The following SMS variants were observed in gnomAD, a reference collection of about 807,000 sequenced individuals.
SMS encodes spermidine aminopropyltransferase.
A neutral mutation model predicts 33.0 loss-of-function variants in SMS; 3 were observed. The ratio of observed to expected loss-of-function variants is 0.09; its 90% CI spans 0.04 to 0.23. The LOEUF is 0.23. SMS is among the 10% of genes least tolerant of loss of function. SMS has a pLI of 1.00. For synonymous variants in SMS, 103 were observed against 112.2 expected (o/e 0.92, Z 0.52); for missense variants, 117 against 288.6 (o/e 0.41, Z 4.31).
At chrX:21,948,640 T>G (rs1922401997) in intron 1 of SMS, among the ~76,000 whole-genome samples, 1 of 111,190 alleles carries the variant, frequency 9.0e-6, no homozygotes, top group Admixed American at 9.5e-5. Context: ...CTTTTGATTT[T>G]GGATTTCATA....
Position 21,940,780 on chromosome X carries a change from T to C in SMS, c.-45T>C. 9.5e-7 allele frequency: 1 copy of C among 1,052,379 alleles called. No individual in the cohort carries two copies. The highest frequency in any genetic ancestry group is 1.3e-6 in the Non-Finnish European group (1 of 796,452). The allele number at this position is 1,052,379 out of a possible 1,213,427, so 86.7% of individuals were successfully genotyped here. On this transcript the variant is annotated 5_prime_UTR_variant, in exon 1 of 11. Coordinates refer to ENST00000404933, the MANE Select transcript of SMS (RefSeq NM_004595.5). ...TGACACGCCGCGCGGCCCCCCAGTC[T>C]CCCGCGGCTGCTCCCCCAGGCATGG...
intron 1 of SMS, among the ~76,000 whole-genome samples, chrX:21,955,124 C>T: frequency 8.9e-6 from 1 of 112,152 alleles, no homozygotes; most frequent in African/African-American, 3.2e-5. Context: ...GCGTGAGCCA[C>T]TGCGCCCGGC....
chrX:21,985,150 C>A lies in SMS; in HGVS notation c.872C>A (p.Thr291Lys), dbSNP rs755701744. ...TGTTCTTTTAAACATTCAGATTCCA[C>A]ATGGGAGTTTCTCAGACTGATTCTT... ...PISTSPEEDS[T>K]WEFLRLILDL... is the part of the protein sequence containing the mutation. The change falls in exon 9 of 11, where the codon ACA becomes AAA. Residue 291 changes from threonine to lysine, a missense_variant. Transcript: ENST00000404933. The A allele has an allele frequency of 4.3e-6, 5 of 1,168,264 alleles. No individual in the cohort carries two copies. Among genetic ancestry groups the A allele is most frequent in the Non-Finnish European group, 5.8e-6 (5 of 857,891 alleles).
At chrX:21,943,602 C>G (rs1386219537) in intron 1 of SMS, among the ~76,000 whole-genome samples, 1 of 107,092 alleles carries the variant, frequency 9.3e-6, no homozygotes, top group Admixed American at 1.0e-4. Context: ...GATGGCAAGG[C>G]GAACATTCTA....
intron 4 of SMS, among the ~76,000 whole-genome samples, chrX:21,974,520 T>A (rs1308910460): frequency 8.9e-6 from 1 of 111,852 alleles, no homozygotes; most frequent in Non-Finnish European, 1.9e-5. Context: ...CCATTTGGAA[T>A]GAACAGGTTC....
chrX:21,977,272 A>G (rs765842229), intron 5 of SMS, 36 bp downstream of exon 5: 1 of 1,106,659 alleles, frequency 9.0e-7, no homozygotes, highest in East Asian at 3.0e-5. Flanking sequence ...CACGTAACAA[A>G]GTGGTGATGT....
At chrX:21,979,372 G>A (rs891282660) in intron 7 of SMS, among the ~76,000 whole-genome samples, 12 of 105,074 alleles carry the variant, frequency 1.1e-4, no homozygotes, top group African/African-American at 3.9e-4. Flanking sequence ...ACCCCCGATC[G>A]GCCCCGGTGT....
chrX:21,948,954 A>G (rs1922424601), intron 1 of SMS, among the ~76,000 whole-genome samples: 1 of 112,132 alleles, frequency 8.9e-6, no homozygotes, highest in Admixed American at 9.4e-5. Context: ...TAAACCATGC[A>G]CAAATGCTCT....
chrX:21,986,752 G>A (rs990338498), intron 9 of SMS, among the ~76,000 whole-genome samples: 3 of 112,168 alleles, frequency 2.7e-5, no homozygotes, highest in Admixed American at 9.4e-5. Flanking sequence ...GCCAAATCTG[G>A]CCTCCTGCTT....
intron 1 of SMS, among the ~76,000 whole-genome samples, chrX:21,965,793 C>A (rs1733778159): frequency 9.2e-6 from 1 of 108,470 alleles, no homozygotes; most frequent in South Asian, 3.9e-4. Flanking sequence ...TAAAAAAAAA[C>A]AAATAAATAA....
At chrX:21,962,723 A>G (rs1923443833) in intron 1 of SMS, among the ~76,000 whole-genome samples, 1 of 111,617 alleles carries the variant, frequency 9.0e-6, no homozygotes, top group Non-Finnish European at 1.9e-5. Context: ...TGGCACAATC[A>G]TGGGTCACTG....
chrX:21,943,987 C>G (rs184904455), intron 1 of SMS, among the ~76,000 whole-genome samples: 1 of 111,187 alleles, frequency 9.0e-6, no homozygotes, highest in Non-Finnish European at 1.9e-5. Context: ...TTCTTTTCCC[C>G]GTTTGTCAGT....
intron 2 of SMS, 129 bp downstream of exon 2, chrX:21,967,445 C>T (rs1923816409): frequency 1.5e-6 from 1 of 689,074 alleles, no homozygotes; most frequent in African/African-American, 2.2e-5. Flanking sequence ...GGGAATGGAA[C>T]TTGGTGCTTC....
chrX:21,979,573 T>C (rs1318450376), intron 7 of SMS, among the ~76,000 whole-genome samples: 1 of 111,620 alleles, frequency 9.0e-6, no homozygotes, highest in Non-Finnish European at 1.9e-5. Context: ...ATGGCATATA[T>C]GTGCCACATT....
intron 1 of SMS, 59 bp from the exon 2 acceptor site, chrX:21,967,137 T>C: frequency 8.5e-7 from 1 of 1,173,470 alleles, no homozygotes; most frequent in Non-Finnish European, 1.2e-6. Context: ...TGTGCCTCAT[T>C]GGCCTTCCTT....
intron 4 of SMS, among the ~76,000 whole-genome samples, chrX:21,973,351 A>C (rs2238967): frequency 0.3 from 34,003 of 111,706 alleles, 4,028 homozygotes; most frequent in African/African-American, 0.43. Context: ...GCAGGAGAAT[A>C]GCTTGAACCC....
At chrX:21,941,905 A>C (rs1394426499) in intron 1 of SMS, among the ~76,000 whole-genome samples, 2 of 92,410 alleles carry the variant, frequency 2.2e-5, no homozygotes, top group South Asian at 5.1e-4. Flanking sequence ...AAAAAAAAAA[A>C]AAAAAAAAAA....
chrX:21,943,969 G>T (rs764181542), intron 1 of SMS, among the ~76,000 whole-genome samples: 2 of 111,470 alleles, frequency 1.8e-5, no homozygotes, highest in Non-Finnish European at 3.8e-5. Context: ...GTGGAGCCTG[G>T]ATTCATGTTC....
chrX:21,985,123 CTTG>C lies in SMS; in HGVS notation c.866-18_866-16del. ...TACATACAAACCCATATTTATGAAA[CTTG>C]TTCTTTTAAACATTCAGATTCCACA... is the stretch of plus-strand genomic sequence containing the variant. On this transcript the variant is annotated intron_variant, in intron 8 of 10. Transcript: ENST00000404933. The C allele has an allele frequency of 9.5e-7, 1 of 1,053,157 alleles. No individual in the cohort carries two copies. The highest frequency in any genetic ancestry group is 1.3e-6 in the Non-Finnish European group (1 of 752,889). The allele number at this position is 1,053,157 out of a possible 1,213,427, so 86.8% of individuals were successfully genotyped here. A position where few individuals can be genotyped will look rare whatever the true frequency, so the allele number is the denominator to read the frequency against.
Sources: gnomAD v4.1 joint callset for allele counts (sites outside exome capture counted in the v4.1 genomes callset) on GRCh38, gnomAD v4.1.1 for gene constraint, MANE v1.5 for transcripts, NCBI Gene and HGNC (gene_info 2026-07-23, HGNC 2026-07-21) for gene names.